Variants in R3HDM2 observed in about 807,000 individuals in gnomAD.
The protein encoded by R3HDM2 is R3H domain containing 2.
In R3HDM2, 38 loss-of-function variants were observed where a neutral mutation model predicts 124.5. The ratio of observed to expected loss-of-function variants is 0.31; its 90% CI spans 0.24 to 0.40. The LOEUF (loss-of-function observed/expected upper bound fraction) is 0.40. Among genes scored for constraint, R3HDM2 ranks in the 10% least tolerant of loss-of-function variants. The pLI, the probability that R3HDM2 is intolerant of heterozygous loss-of-function variation, is 1.00. For missense variants in R3HDM2, 869 were observed against 1,236.9 expected (o/e 0.70, Z 4.46); for synonymous variants, 391 against 448.0 (o/e 0.87, Z 1.61).
In R3HDM2 at chr12:57,418,596, T is replaced by C. The variant is rs1477459053; in HGVS notation, c.-106+12124A>G. Among the ~76,000 whole-genome samples, 6 of 151,710 alleles carry C rather than the reference T, an allele frequency of 4.0e-5. No individual in the cohort carries two copies. The East Asian group carries it at 1.2e-3, about 29-fold the overall frequency. On this transcript the variant is annotated intron_variant, in intron 1 of 23. Coordinates refer to ENST00000402412, the MANE Select transcript of R3HDM2 (RefSeq NM_001394031.1). ...TTTTTTTTTGTAAATGGAGTCTCTGTCGTCCAGGCTGGAGTACAGTGGTGC... is the reference window on the plus strand; with the variant it reads ...TTTTTTTTTGTAAATGGAGTCTCTGCCGTCCAGGCTGGAGTACAGTGGTGC...
At chr12:57,338,047 T>C (rs1406484388) in intron 2 of R3HDM2, among the ~76,000 whole-genome samples, 2 of 152,244 alleles carry the variant, frequency 1.3e-5, no homozygotes, top group Non-Finnish European at 2.9e-5. Context: ...CTCACGCCTG[T>C]AATCTCAGCT....
intron 2 of R3HDM2, among the ~76,000 whole-genome samples, chr12:57,323,807 C>T (rs769102720): frequency 2.0e-5 from 3 of 152,226 alleles, no homozygotes; most frequent in East Asian, 1.9e-4. Flanking sequence ...GCCCTTTTTA[C>T]GTCCTAAAGT....
rs2042941820 is a variant in R3HDM2, at chr12:57,268,474, A to C, written c.1876-17T>G. 6.2e-7 allele frequency: 1 copy of C among 1,613,334 alleles called. No homozygotes were observed. Among genetic ancestry groups the C allele is most frequent in the Non-Finnish European group, 8.5e-7 (1 of 1,179,624 alleles). ...CACTGGAACCTGGGTGAGAAAGAGA[A>C]GAGAAAGAATCACATTCGCATTCAC... On this transcript the variant is annotated splice_polypyrimidine_tract_variant and intron_variant, in intron 17 of 23. Transcript: ENST00000402412.
chr12:57,266,506 T>C (rs2042454577), intron 19 of R3HDM2, among the ~76,000 whole-genome samples: 1 of 152,198 alleles, frequency 6.6e-6, no homozygotes, highest in Non-Finnish European at 1.5e-5. Flanking sequence ...AGTGTTGGGA[T>C]TACAGGTGTG....
intron 2 of R3HDM2, among the ~76,000 whole-genome samples, chr12:57,369,791 G>A (rs1386683949): frequency 6.6e-6 from 1 of 151,808 alleles, no homozygotes; most frequent in East Asian, 1.9e-4. Flanking sequence ...ATTGAAATCT[G>A]GAATTTAAAA....
At chr12:57,260,991 A>G (rs948740159) in intron 19 of R3HDM2, among the ~76,000 whole-genome samples, 6 of 152,198 alleles carry the variant, frequency 3.9e-5, no homozygotes, top group Admixed American at 6.5e-5. Flanking sequence ...CAGAGAGCAC[A>G]AATACTCAGT....
chr12:57,320,287 A>AAAAAAAAAAAAAAAAC (rs1566135789), intron 2 of R3HDM2, among the ~76,000 whole-genome samples: 2 of 147,564 alleles, frequency 1.4e-5, no homozygotes, highest in Non-Finnish European at 3.0e-5. Flanking sequence ...AAAAAAAAAA[A>AAAAAAAAAAAAAAAAC]AGCCTTAAAC....
intron 12 of R3HDM2, among the ~76,000 whole-genome samples, chr12:57,285,020 C>G (rs1227164734): frequency 6.6e-6 from 1 of 152,136 alleles, no homozygotes; most frequent in African/African-American, 2.4e-5. Flanking sequence ...CTTTCATACC[C>G]CACATCCCCA....
intron 19 of R3HDM2, among the ~76,000 whole-genome samples, chr12:57,264,891 C>G (rs2041930270): frequency 6.6e-6 from 1 of 152,136 alleles, no homozygotes; most frequent in African/African-American, 2.4e-5. Flanking sequence ...CCTGCCTTGG[C>G]CTCCCAAAGT....
chr12:57,317,664 T>A (rs1013917083), intron 2 of R3HDM2, among the ~76,000 whole-genome samples: 10 of 60,200 alleles, frequency 1.7e-4, no homozygotes, highest in East Asian at 4.6e-4. Flanking sequence ...ATTAAGAAGA[T>A]AGTTAAAAAA....
intron 2 of R3HDM2, among the ~76,000 whole-genome samples, chr12:57,387,815 G>A (rs2066065371): frequency 6.6e-6 from 1 of 152,142 alleles, no homozygotes; most frequent in African/African-American, 2.4e-5. Flanking sequence ...TTACACCAGT[G>A]GAACTGGAAA....
chr12:57,310,976 C>G (rs1292884151), intron 2 of R3HDM2, among the ~76,000 whole-genome samples: 1 of 152,126 alleles, frequency 6.6e-6, no homozygotes, highest in Non-Finnish European at 1.5e-5. Flanking sequence ...ACTTTATTTT[C>G]TCCCCTTGTT....
chr12:57,308,515 C>A (rs2053232160), intron 3 of R3HDM2, among the ~76,000 whole-genome samples: 1 of 151,442 alleles, frequency 6.6e-6, no homozygotes, highest in Admixed American at 6.6e-5. Flanking sequence ...TGAAACCCCG[C>A]CTCTACTAAA....
At chr12:57,299,005 C>G (rs2050512529) in intron 6 of R3HDM2, among the ~76,000 whole-genome samples, 1 of 152,020 alleles carries the variant, frequency 6.6e-6, no homozygotes, top group African/African-American at 2.4e-5. Flanking sequence ...ATAAATATCA[C>G]CCTAGCCATC....
rs1394817384 is a variant in R3HDM2, at chr12:57,413,903, T to A, written c.-106+16817A>T. 6.5e-5 allele frequency among the ~76,000 whole-genome samples: 9 copies of A among 138,716 alleles called. No homozygotes were observed. In the Admixed American group the frequency reaches 6.7e-4, roughly 10 times the overall value. 91.0% of individuals were successfully genotyped at this position (138,716 alleles called of 152,430 possible). A position where few individuals can be genotyped will look rare whatever the true frequency, so the allele number is the denominator to read the frequency against. ...ACGCTGTCACCTAGGCTGGAGTACGTGGCACGGTCTCAGCTCACTGCAACC... is the reference window on the plus strand; with the variant it reads ...ACGCTGTCACCTAGGCTGGAGTACGAGGCACGGTCTCAGCTCACTGCAACC... On this transcript the variant is annotated intron_variant, in intron 1 of 23. Transcript: ENST00000402412.
intron 2 of R3HDM2, among the ~76,000 whole-genome samples, chr12:57,390,915 G>A (rs1328109275): frequency 6.6e-6 from 1 of 151,444 alleles, no homozygotes; most frequent in Non-Finnish European, 1.5e-5. Flanking sequence ...AGGAGCCTGA[G>A]ACAGAAGAAT....
Position 57,255,992 on chromosome 12 carries a change from A to C in R3HDM2, c.2630T>G (p.Val877Gly). The C allele has an allele frequency of 6.2e-7, 1 of 1,612,202 alleles. No individual in the cohort carries two copies. The highest frequency in any genetic ancestry group is 8.5e-7 in the Non-Finnish European group (1 of 1,179,066). The change falls in exon 23 of 24, where the codon GTT becomes GGT. Residue 877 changes from valine to glycine, a missense_variant and splice_region_variant. By Grantham distance (109) the Val-to-Gly change is moderately radical (BLOSUM62 -3). Around this residue, in one of 2 missense-constraint regions of R3HDM2, gnomAD observed 602 missense variants for 789.2 expected, o/e 0.76. Transcript: ENST00000402412. ...SASTDLGTAD[V>G]VLGRVLEVTD... ...GGATTCAGCATCCCGTGACTCACCAACATCTGCTGTCCCCAGGTCAGTGGA... is the reference window on the plus strand; with the variant it reads ...GGATTCAGCATCCCGTGACTCACCACCATCTGCTGTCCCCAGGTCAGTGGA...
chr12:57,258,458 C>T (rs1449296675), intron 20 of R3HDM2, among the ~76,000 whole-genome samples: 1 of 151,968 alleles, frequency 6.6e-6, no homozygotes, highest in Non-Finnish European at 1.5e-5. Flanking sequence ...AATTCTCCTG[C>T]CTCAGCCTTC....
At chr12:57,361,795 A>G (rs933165862) in intron 2 of R3HDM2, among the ~76,000 whole-genome samples, 4 of 152,228 alleles carry the variant, frequency 2.6e-5, no homozygotes, top group Non-Finnish European at 5.9e-5. Flanking sequence ...CTAAAGCTAG[A>G]GAATTTAATG....
Sources: allele counts gnomAD v4.1 joint callset (sites outside exome capture counted in the v4.1 genomes callset), GRCh38; gene constraint gnomAD v4.1.1; regional missense constraint gnomAD v4.1.1; transcripts MANE v1.5; gene names NCBI Gene and HGNC (gene_info 2026-07-23, HGNC 2026-07-21).